Variants in DSCAML1 observed in about 807,000 individuals in gnomAD.
DSCAML1 encodes cell adhesion molecule DSCAML1.
In DSCAML1, 38 loss-of-function variants were observed where a neutral mutation model predicts 200.5. The observed-to-expected ratio is 0.19, with a 90% confidence interval of 0.15 to 0.25. The LOEUF is 0.25. DSCAML1 is among the 10% of genes least tolerant of loss of function. The pLI, the probability that DSCAML1 is intolerant of heterozygous loss-of-function variation, is 1.00. For synonymous variants in DSCAML1, 1,215 were observed against 1,165.0 expected, an observed-to-expected ratio of 1.04 and a Z score of -0.87; for missense variants, 2,223 against 2,858.8, an observed-to-expected ratio of 0.78 and a Z score of 5.07.
intron 3 of DSCAML1, among the ~76,000 whole-genome samples, chr11:117,744,683 C>G (rs1440061720): frequency 6.6e-6 from 1 of 152,232 alleles, no homozygotes; most frequent in Non-Finnish European, 1.5e-5. Context: ...ACCAACCTTG[C>G]CTTTGGCCTG....
chr11:117,593,703 T>TA (rs1326400905), intron 3 of DSCAML1, among the ~76,000 whole-genome samples: 1 of 140,714 alleles, frequency 7.1e-6, no homozygotes, highest in Non-Finnish European at 1.5e-5. Flanking sequence ...GAACTCACTA[T>TA]ATTTCTTGTT....
At chr11:117,771,661 C>T (rs11825297) in intron 3 of DSCAML1, among the ~76,000 whole-genome samples, 13,088 of 152,228 alleles carry the variant, frequency 0.086, 620 homozygotes, top group African/African-American at 0.13. Context: ...AAGACCGGCT[C>T]ACATCCGGGC....
intron 1 of DSCAML1, among the ~76,000 whole-genome samples, chr11:117,793,486 G>C (rs943498849): frequency 9.8e-5 from 15 of 152,314 alleles, no homozygotes; most frequent in African/African-American, 3.4e-4. Context: ...CAAGTGGCAA[G>C]TGGCAAGGAT....
At chr11:117,577,245 C>T (rs998560608) in intron 3 of DSCAML1, among the ~76,000 whole-genome samples, 8 of 152,106 alleles carry the variant, frequency 5.3e-5, no homozygotes, top group Admixed American at 5.2e-4. Context: ...TGGAACATAT[C>T]TTAGAAAGTA....
intron 3 of DSCAML1, among the ~76,000 whole-genome samples, chr11:117,763,049 A>G (rs181451935): frequency 5.9e-5 from 9 of 152,238 alleles, no homozygotes; most frequent in Admixed American, 5.9e-4. Flanking sequence ...TTCCTCCCAC[A>G]GACCACTCTG....
At chr11:117,666,436 A>G (rs200735231) in intron 3 of DSCAML1, among the ~76,000 whole-genome samples, 2 of 151,938 alleles carry the variant, frequency 1.3e-5, no homozygotes, top group East Asian at 3.9e-4. Flanking sequence ...CTAGGACTTC[A>G]GGCCTTTGTT....
At chr11:117,528,075 G>A (rs550915331) in intron 4 of DSCAML1, among the ~76,000 whole-genome samples, 2 of 152,290 alleles carry the variant, frequency 1.3e-5, no homozygotes, top group South Asian at 2.1e-4. Flanking sequence ...GTGTGGAAGC[G>A]CTTTAGACGC....
intron 3 of DSCAML1, among the ~76,000 whole-genome samples, chr11:117,707,659 G>A (rs955128209): frequency 6.6e-6 from 1 of 151,848 alleles, no homozygotes; most frequent in East Asian, 1.9e-4. Flanking sequence ...TCAGCCTCCC[G>A]AGTAGCTGGG....
intron 3 of DSCAML1, among the ~76,000 whole-genome samples, chr11:117,769,682 A>G (rs1305057551): frequency 1.3e-5 from 2 of 148,640 alleles, no homozygotes; most frequent in Non-Finnish European, 3.0e-5. Flanking sequence ...TTGTGGCTCC[A>G]CCACCTACTA....
At chr11:117,752,617 T>C (rs2054622309) in intron 3 of DSCAML1, among the ~76,000 whole-genome samples, 1 of 152,186 alleles carries the variant, frequency 6.6e-6, no homozygotes, top group African/African-American at 2.4e-5. Context: ...TTGGGCCTAT[T>C]CAGCAGGGTG....
At chr11:117,675,506 A>G (rs1258279053) in intron 3 of DSCAML1, among the ~76,000 whole-genome samples, 1 of 121,108 alleles carries the variant, frequency 8.3e-6, no homozygotes, top group Non-Finnish European at 1.6e-5. Context: ...TTTTAGAGAC[A>G]GGGTCTCACC....
chr11:117,662,722 T>C (rs902228361), intron 3 of DSCAML1, among the ~76,000 whole-genome samples: 1 of 152,224 alleles, frequency 6.6e-6, no homozygotes, highest in Non-Finnish European at 1.5e-5. Flanking sequence ...GCAAATCCTT[T>C]CAAACCGAAG....
intron 3 of DSCAML1, among the ~76,000 whole-genome samples, chr11:117,758,019 A>G (rs1363444736): frequency 1.4e-5 from 2 of 147,800 alleles, no homozygotes; most frequent in African/African-American, 2.5e-5. Context: ...ACAAACAAAA[A>G]TGGTCAGGCA....
chr11:117,579,655 G>A (rs1383011996), intron 3 of DSCAML1, among the ~76,000 whole-genome samples: 1 of 152,132 alleles, frequency 6.6e-6, no homozygotes, highest in Non-Finnish European at 1.5e-5. Context: ...AGTTCGTGAC[G>A]ATATTTTTCT....
chr11:117,741,979 A>G (rs991116217), intron 3 of DSCAML1, among the ~76,000 whole-genome samples: 2 of 152,192 alleles, frequency 1.3e-5, no homozygotes, highest in Non-Finnish European at 2.9e-5. Context: ...CCCCTGAGAA[A>G]GGTTACCCTG....
chr11:117,602,846 C>A (rs1003008607), intron 3 of DSCAML1, among the ~76,000 whole-genome samples: 1 of 152,064 alleles, frequency 6.6e-6, no homozygotes, highest in Non-Finnish European at 1.5e-5. Context: ...CGCCTGTAAG[C>A]CCAGCACTTT....
At chr11:117,574,438 T>C (rs1275256632) in intron 3 of DSCAML1, among the ~76,000 whole-genome samples, 2 of 152,222 alleles carry the variant, frequency 1.3e-5, no homozygotes, top group African/African-American at 2.4e-5. Context: ...GGACTGTCTC[T>C]GAGGCCCACA....
intron 3 of DSCAML1, among the ~76,000 whole-genome samples, chr11:117,574,504 G>A (rs959828564): frequency 2.6e-5 from 4 of 152,152 alleles, no homozygotes; most frequent in African/African-American, 9.7e-5. Flanking sequence ...AGAGCCATGG[G>A]TTGGCCTTTT....
intron 19 of DSCAML1, among the ~76,000 whole-genome samples, chr11:117,457,740 C>T (rs559849305): frequency 2.1e-3 from 319 of 152,288 alleles, no homozygotes; most frequent in African/African-American, 7.4e-3. Context: ...GCTTCTCCCC[C>T]ACCACTCCCA....
Sources: gnomAD v4.1 joint callset for allele counts (sites outside exome capture counted in the v4.1 genomes callset) on GRCh38, gnomAD v4.1.1 for gene constraint, MANE v1.5 for transcripts, NCBI Gene and HGNC (gene_info 2026-07-23, HGNC 2026-07-21) for gene names.